The following CSRNP3 variants were observed in gnomAD, a reference collection of about 807,000 sequenced individuals.
The protein encoded by CSRNP3 is cysteine/serine-rich nuclear protein 3.
A neutral mutation model predicts 48.0 loss-of-function variants in CSRNP3; 12 were observed. The observed-to-expected ratio is 0.25, with a 90% CI of 0.16 to 0.41. CSRNP3 has a LOEUF of 0.41. Ranked by LOEUF, CSRNP3 falls within the 10% of genes least tolerant of loss-of-function variation. The pLI is 1.00. For synonymous variants in CSRNP3, 263 were observed against 269.7 expected (o/e 0.98, Z 0.24); for missense variants, 580 against 724.4 (o/e 0.80, Z 2.29).
chr2:165,552,627 C>A (rs1685112311), intron 3 of CSRNP3, among the ~76,000 whole-genome samples: 1 of 152,106 alleles, frequency 6.6e-6, no homozygotes, highest in Non-Finnish European at 1.5e-5. Flanking sequence ...CCTTCTCCTT[C>A]CCTGAAAATG....
intron 3 of CSRNP3, among the ~76,000 whole-genome samples, chr2:165,529,597 A>T (rs1055058417): frequency 1.3e-5 from 2 of 152,234 alleles, no homozygotes; most frequent in Non-Finnish European, 2.9e-5. Flanking sequence ...ATACTAATAC[A>T]TGATGTTATG....
chr2:165,587,229 AG>A (rs1342034197), intron 3 of CSRNP3, among the ~76,000 whole-genome samples: 1 of 152,262 alleles, frequency 6.6e-6, no homozygotes, highest in Non-Finnish European at 1.5e-5. Context: ...TTTAAAATAA[AG>A]TAGTTCTTAT....
At chr2:165,575,246 C>T (rs1685429406) in intron 3 of CSRNP3, among the ~76,000 whole-genome samples, 1 of 152,148 alleles carries the variant, frequency 6.6e-6, no homozygotes, top group Non-Finnish European at 1.5e-5. Flanking sequence ...AATGTGTACT[C>T]ACTTTTATTG....
intron 3 of CSRNP3, among the ~76,000 whole-genome samples, chr2:165,554,254 C>T (rs1264566271): frequency 6.6e-6 from 1 of 152,160 alleles, no homozygotes. Context: ...TTCCTCATTT[C>T]CTCAATCACT....
chr2:165,544,735 A>C (rs1367698651), intron 3 of CSRNP3, among the ~76,000 whole-genome samples: 1 of 152,202 alleles, frequency 6.6e-6, no homozygotes, highest in East Asian at 1.9e-4. Flanking sequence ...ACTCAGGTGG[A>C]GATATCAAGG....
rs1687621912 is a variant in CSRNP3, at chr2:165,685,798, T to TG, written c.*6046dup. 1 of 152,124 alleles carries TG rather than the reference T, an allele frequency of 6.6e-6. No homozygotes were observed. Among genetic ancestry groups the TG allele is most frequent in the Non-Finnish European group, 1.5e-5 (1 of 67,988 alleles). The allele number at this position is 152,124 out of a possible 1,614,324, so 9.4% of individuals were successfully genotyped here. A position where few individuals can be genotyped will look rare whatever the true frequency, so the allele number is the denominator to read the frequency against. On this transcript the variant is annotated 3_prime_UTR_variant, in exon 7 of 7. Coordinates refer to ENST00000651982, the MANE Select transcript of CSRNP3 (RefSeq NM_001172173.2). ...TGGCAGGACTAAAGTTTCAAAGGAA[T>TG]GTGATAGAATTTATTTTGGATAACA...
intron 4 of CSRNP3, among the ~76,000 whole-genome samples, chr2:165,621,915 G>A (rs1397621809): frequency 1.3e-5 from 2 of 151,840 alleles, no homozygotes; most frequent in South Asian, 2.1e-4. Flanking sequence ...TGTTTATTTT[G>A]TTCTTTAGAG....
intron 4 of CSRNP3, among the ~76,000 whole-genome samples, chr2:165,652,596 G>T (rs995003251): frequency 6.6e-6 from 1 of 151,994 alleles, no homozygotes; most frequent in East Asian, 1.9e-4. Context: ...AGACTGGAGC[G>T]CAGTAGTGTA....
rs868090913 is a variant in CSRNP3 at position 165,518,246 on chromosome 2, C to T, written c.-24+285C>T. 3.3e-5 allele frequency among the ~76,000 whole-genome samples: 5 copies of T among 152,000 alleles called. No homozygotes were observed. In the South Asian group the frequency reaches 1.0e-3, roughly 32 times the overall value. ...GCATAAAAATAAACATTTGACATTT[C>T]TATAAATTTTTCTTTCTGATTGTTA... On this transcript the variant is annotated intron_variant, in intron 3 of 6. Coordinates refer to ENST00000651982, the MANE Select transcript of CSRNP3 (RefSeq NM_001172173.2).
chr2:165,517,286 A>G (rs1257866543), intron 2 of CSRNP3, among the ~76,000 whole-genome samples: 1 of 152,006 alleles, frequency 6.6e-6, no homozygotes, highest in Non-Finnish European at 1.5e-5. Context: ...TTAAAGAACA[A>G]CATTTTTGTT....
At position 165,571,519 on chromosome 2, in the gene CSRNP3, G is replaced by A. The variant is rs147863637; in HGVS notation, c.-23-23524G>A. On this transcript the variant is annotated intron_variant, in intron 3 of 6. Transcript: ENST00000651982. ...CACACATATTTGTATATATATTAATGTAATATTTGTGTGGTGGAAAATTCC... is the reference window on the plus strand; with the variant it reads ...CACACATATTTGTATATATATTAATATAATATTTGTGTGGTGGAAAATTCC... Among the ~76,000 whole-genome samples the A allele has an allele frequency of 8.1e-4, 123 of 151,988 alleles. No individual in the cohort carries two copies. In the East Asian group the frequency reaches 0.015, roughly 18 times the overall value.
chr2:165,609,465 G>GAA (rs34249194), intron 4 of CSRNP3, among the ~76,000 whole-genome samples: 3,620 of 97,516 alleles, frequency 0.037, 120 homozygotes, highest in South Asian at 0.065. Flanking sequence ...TCTAAAAAAA[G>GAA]AAAAAAAAAA....
In CSRNP3 at chr2:165,679,287, A is replaced by C; in HGVS notation, c.1292A>C (p.Asn431Thr). 6.2e-7 allele frequency: 1 copy of C among 1,613,678 alleles called. No homozygotes were observed. The highest frequency in any genetic ancestry group is 8.5e-7 in the Non-Finnish European group (1 of 1,179,892). Residue 431 changes from asparagine (N) to threonine (T), a missense_variant, in exon 7 of 7, where the codon AAC becomes ACC. Asn to Thr is a moderately conservative substitution (Grantham distance 65). Transcript: ENST00000651982. ...GCAAAGAATGCTTCTTTTTATGCCA[A>C]CTCTTCAACTCTGTATTACCAAATA... The part of the protein sequence containing the change: ...SHAKNASFYA[N>T]SSTLYYQIDS...
intron 3 of CSRNP3, among the ~76,000 whole-genome samples, chr2:165,590,604 G>C (rs1685700880): frequency 6.6e-6 from 1 of 152,160 alleles, no homozygotes; most frequent in Non-Finnish European, 1.5e-5. Flanking sequence ...GACCCGGTGG[G>C]AGGTAATTGA....
At chr2:165,576,049 C>G (rs1200800601) in intron 3 of CSRNP3, among the ~76,000 whole-genome samples, 1 of 150,140 alleles carries the variant, frequency 6.7e-6, no homozygotes, top group African/African-American at 2.4e-5. Flanking sequence ...GCTTTTATAC[C>G]TATATATAGA....
intron 4 of CSRNP3, among the ~76,000 whole-genome samples, chr2:165,641,206 G>A (rs186401016): frequency 2.3e-4 from 35 of 152,142 alleles, no homozygotes; most frequent in Non-Finnish European, 4.3e-4. Context: ...CACAACAATG[G>A]TTCACCAGTT....
intron 5 of CSRNP3, among the ~76,000 whole-genome samples, chr2:165,662,389 A>C (rs1687113349): frequency 6.6e-6 from 1 of 152,178 alleles, no homozygotes; most frequent in Non-Finnish European, 1.5e-5. Flanking sequence ...ATAAACAACT[A>C]ATAGAGAAAA....
chr2:165,612,426 A>T (rs1686153955), intron 4 of CSRNP3, among the ~76,000 whole-genome samples: 1 of 152,070 alleles, frequency 6.6e-6, no homozygotes, highest in Non-Finnish European at 1.5e-5. Context: ...TGTTGTGAAC[A>T]TTCAAAATCC....
At chr2:165,555,114 C>T (rs1028040668) in intron 3 of CSRNP3, among the ~76,000 whole-genome samples, 1 of 152,122 alleles carries the variant, frequency 6.6e-6, no homozygotes, top group African/African-American at 2.4e-5. Flanking sequence ...CTCAATGCAC[C>T]CTTCCCTAAT....
Sources: allele counts gnomAD v4.1 joint callset (sites outside exome capture counted in the v4.1 genomes callset), GRCh38; gene constraint gnomAD v4.1.1; transcripts MANE v1.5; gene names NCBI Gene and HGNC (gene_info 2026-07-23, HGNC 2026-07-21).